Variants in COL4A6 observed in about 807,000 individuals in gnomAD.
COL4A6 encodes collagen alpha-6(IV) chain.
COL4A6 carries 59 observed loss-of-function variants against 126.7 expected under a neutral mutation model. The observed-to-expected ratio is 0.47, with a 90% CI of 0.38 to 0.58. The LOEUF (loss-of-function observed/expected upper bound fraction) is 0.58. Among genes scored for constraint, COL4A6 ranks in the 20% least tolerant of loss-of-function variants. The pLI is 0.00. For missense variants in COL4A6, 1,285 were observed against 1,337.3 expected (o/e 0.96, Z 0.61); for synonymous variants, 547 against 496.6 (o/e 1.10, Z -1.35).
chrX:108,351,899 A>G (rs1479532879), intron 2 of COL4A6, among the ~76,000 whole-genome samples: 2 of 112,208 alleles, frequency 1.8e-5, no homozygotes, highest in African/African-American at 3.2e-5. Flanking sequence ...CAAGATATCT[A>G]TATATTCACT....
Position 108,178,856 on chromosome X carries a change from A to T in COL4A6, c.2354-11T>A, listed in dbSNP as rs1331669840. 8.3e-7 allele frequency: 1 copy of T among 1,201,725 alleles called. No homozygotes were observed. Among genetic ancestry groups the T allele is most frequent in the Admixed American group, 2.2e-5 (1 of 45,003 alleles). On this transcript the variant is annotated splice_polypyrimidine_tract_variant and intron_variant, in intron 26 of 44. Coordinates refer to ENST00000334504, the MANE Select transcript of COL4A6 (RefSeq NM_033641.4). ...GCTTCCCGTGCACACCTGATAAAAGAAAAGGGCAAATGATCACAGCCTGGA... is the reference window on the plus strand; with the variant it reads ...GCTTCCCGTGCACACCTGATAAAAGTAAAGGGCAAATGATCACAGCCTGGA...
intron 2 of COL4A6, among the ~76,000 whole-genome samples, chrX:108,436,064 A>G (rs1449036370): frequency 1.8e-5 from 2 of 112,161 alleles, no homozygotes. Flanking sequence ...ATCTTCTGAT[A>G]ACTTATTCTG....
intron 5 of COL4A6, 101 bp downstream of exon 5, chrX:108,219,597 G>T: frequency 1.4e-6 from 1 of 733,404 alleles, no homozygotes; most frequent in Non-Finnish European, 2.1e-6. Context: ...TTGTTCCTGA[G>T]CATGCTTGCA....
At chrX:108,339,405 C>A (rs1047711468) in intron 2 of COL4A6, among the ~76,000 whole-genome samples, 2 of 111,635 alleles carry the variant, frequency 1.8e-5, no homozygotes, top group Non-Finnish European at 3.8e-5. Flanking sequence ...CTCTTCTATA[C>A]CACATTTGCT....
chrX:108,230,167 T>C (rs1485906882), intron 3 of COL4A6, among the ~76,000 whole-genome samples: 3 of 111,753 alleles, frequency 2.7e-5, no homozygotes, highest in Non-Finnish European at 3.8e-5. Flanking sequence ...AGCACATTTT[T>C]CCCACAAAAC....
chrX:108,278,617 A>G (rs374865970), intron 3 of COL4A6, among the ~76,000 whole-genome samples: 1 of 109,905 alleles, frequency 9.1e-6, no homozygotes, highest in South Asian at 4.2e-4. Context: ...GCAGGCCAAC[A>G]TTCAGATTCA....
rs753348790 is a variant in COL4A6, at chrX:108,255,236, G to A, written c.145-33862C>T. 3.6e-3 allele frequency among the ~76,000 whole-genome samples: 337 copies of A among 92,505 alleles called. 2 individuals carry two copies. Among genetic ancestry groups the A allele is most frequent in the African/African-American group, 0.018 (319 of 17,382 alleles). 80.3% of individuals were successfully genotyped at this position (92,505 alleles called of 115,157 possible). On this transcript the variant is annotated intron_variant, in intron 3 of 44. Transcript: ENST00000334504. ...AGGAAAGGCATCCTCAAATGGAAGT[G>A]GGGGGGCTACTTCCTGAAGAGAGCT...
In COL4A6 at chrX:108,190,431, G is replaced by C. The variant is rs750894903; in HGVS notation, c.1387C>G (p.Gln463Glu). 4.1e-6 allele frequency: 5 copies of C among 1,207,477 alleles called. No homozygotes were observed. Among genetic ancestry groups the C allele is most frequent in the Non-Finnish European group, 5.6e-6 (5 of 892,284 alleles). The change falls in exon 20 of 45, where the codon CAA becomes GAA. Residue 463 changes from glutamine (Q) to glutamate (E), a missense_variant. Physicochemically the swap from Gln to Glu is conservative, Grantham distance 29 (BLOSUM62 2). Coordinates refer to ENST00000334504, the MANE Select transcript of COL4A6 (RefSeq NM_033641.4). The stretch of plus-strand genomic sequence containing the variant: ...AGGCCTAGGTTTCCTTTTGGACCTT[G>C]TTCTCCTCGGAGACCAGGGAACCCT... Reference protein sequence around the residue: ...ESGFPGLRGEQGPKGNLGLKG... With the variant: ...ESGFPGLRGEEGPKGNLGLKG...
Position 108,200,566 on chromosome X carries a change from T to C in COL4A6, c.834+2362A>G, listed in dbSNP as rs183296700. ...AAATTTATCTCATGGAGGTAGAAAT[T>C]AAAATGAATAATACCAGTGGCTGGA... On this transcript the variant is annotated intron_variant, in intron 13 of 44. Transcript: ENST00000334504. Among the ~76,000 whole-genome samples the C allele has an allele frequency of 1.0e-3, 115 of 111,541 alleles. 5 individuals carry two copies. In the East Asian group the frequency reaches 0.031, roughly 30 times the overall value.
Position 108,202,433 on chromosome X carries a change from T to C in COL4A6, c.834+495A>G, listed in dbSNP as rs749241255. On this transcript the variant is annotated intron_variant, in intron 13 of 44. Transcript: ENST00000334504. Reference sequence around the variant, plus strand: ...ATAGGGACCCTCAAAAGGTAACTGATGAGTGTAAGGATCTAAGCTAGAAAG... The same window carrying C: ...ATAGGGACCCTCAAAAGGTAACTGACGAGTGTAAGGATCTAAGCTAGAAAG... Among the ~76,000 whole-genome samples the C allele has an allele frequency of 2.6e-4, 29 of 111,920 alleles. No homozygotes were observed. The South Asian group carries it at 3.4e-3, about 13-fold the overall frequency.
intron 2 of COL4A6, among the ~76,000 whole-genome samples, chrX:108,383,062 T>C (rs1413832658): frequency 9.3e-6 from 1 of 107,790 alleles, no homozygotes; most frequent in Non-Finnish European, 1.9e-5. Context: ...AAGAGAAATA[T>C]AAAAGAAATA....
intron 3 of COL4A6, among the ~76,000 whole-genome samples, chrX:108,310,167 C>G (rs1026323311): frequency 1.8e-5 from 2 of 111,728 alleles, no homozygotes; most frequent in African/African-American, 3.3e-5. Flanking sequence ...ATTTGCACAA[C>G]AATTTGAACT....
At chrX:108,324,964 T>A (rs1248626783) in intron 2 of COL4A6, among the ~76,000 whole-genome samples, 2 of 112,560 alleles carry the variant, frequency 1.8e-5, no homozygotes, top group East Asian at 2.8e-4. Context: ...AATATTAAGC[T>A]GTAAATCCTT....
chrX:108,389,183 A>G (rs1275069366), intron 2 of COL4A6, among the ~76,000 whole-genome samples: 1 of 111,879 alleles, frequency 8.9e-6, no homozygotes, highest in East Asian at 2.8e-4. Flanking sequence ...TGAGAAGAAC[A>G]CATATTCTGT....
chrX:108,383,837 C>A, intron 2 of COL4A6: 1 of 490,865 alleles, frequency 2.0e-6, no homozygotes, highest in South Asian at 3.0e-5. Flanking sequence ...TCCCTCAAAC[C>A]AGATGCAAGT....
intron 3 of COL4A6, among the ~76,000 whole-genome samples, chrX:108,262,872 T>C (rs994701866): frequency 1.8e-5 from 2 of 111,559 alleles, no homozygotes; most frequent in East Asian, 5.6e-4. Context: ...CCATCAGTTG[T>C]CCTACATTTC....
intron 3 of COL4A6, among the ~76,000 whole-genome samples, chrX:108,304,506 T>G (rs981803096): frequency 6.3e-5 from 7 of 111,406 alleles, no homozygotes; most frequent in East Asian, 2.8e-4. Context: ...ACCATCAACT[T>G]TGCAAAAGGT....
At chrX:108,227,161 G>C (rs930869339) in intron 3 of COL4A6, among the ~76,000 whole-genome samples, 2 of 111,520 alleles carry the variant, frequency 1.8e-5, no homozygotes, top group Non-Finnish European at 1.9e-5. Context: ...TTGAGGACAG[G>C]GCTTATGTCT....
chrX:108,232,034 T>C (rs1017483700), intron 3 of COL4A6, among the ~76,000 whole-genome samples: 1 of 111,631 alleles, frequency 9.0e-6, no homozygotes, highest in African/African-American at 3.3e-5. Flanking sequence ...ATTAGTTTAG[T>C]GGCAGAAGGA....
Sources: allele counts gnomAD v4.1 joint callset (sites outside exome capture counted in the v4.1 genomes callset), GRCh38; gene constraint gnomAD v4.1.1; transcripts MANE v1.5; gene names NCBI Gene and HGNC (gene_info 2026-07-23, HGNC 2026-07-21).